DYNLT5: variants seen among roughly 807,000 people sequenced by gnomAD.
DYNLT5 encodes the protein dynein light chain Tctex-type 5.
A neutral mutation model predicts 19.3 loss-of-function variants in DYNLT5; 25 were observed. The ratio of observed to expected loss-of-function variants is 1.30; its 90% confidence interval spans 0.95 to 1.81. The LOEUF (loss-of-function observed/expected upper bound fraction) is 1.81, where lower values mean the gene tolerates loss of function less well. Ranked by LOEUF, DYNLT5 falls within the 40% of genes most tolerant of loss-of-function variation. The pLI is 0.00. For synonymous variants in DYNLT5, 82 were observed against 68.9 expected, an observed-to-expected ratio of 1.19 and a Z score of -0.94; for missense variants, 232 against 217.9, an observed-to-expected ratio of 1.06 and a Z score of -0.41.
chr1:66,777,510 C>A lies in DYNLT5; in HGVS notation c.*56C>A. On this transcript the variant is annotated 3_prime_UTR_variant, in exon 5 of 5. Transcript: ENST00000282670. ...GAAAATTCTGAGGCAGGCTGTATGT[C>A]TGTACACAAAAGTTTTACTGCCAAA... 6.7e-7 allele frequency: 1 copy of A among 1,503,178 alleles called. No homozygotes were observed. Among genetic ancestry groups the A allele is most frequent in the Non-Finnish European group, 9.0e-7 (1 of 1,107,350 alleles). 93.1% of individuals were successfully genotyped at this position (1,503,178 alleles called of 1,614,324 possible).
chr1:66,770,839 G>A, intron 3 of DYNLT5: 2 of 284,096 alleles, frequency 7.0e-6, no homozygotes, highest in Admixed American at 4.9e-5. Context: ...AGTGTTGTTA[G>A]GTGAAGGAAA....
intron 2 of DYNLT5, among the ~76,000 whole-genome samples, chr1:66,756,530 T>C (rs1276232994): frequency 6.6e-6 from 1 of 152,210 alleles, no homozygotes; most frequent in Non-Finnish European, 1.5e-5. Context: ...TGAAAATTAC[T>C]TTAAAACAAT....
intron 4 of DYNLT5, 137 bp from the exon 5 acceptor site, chr1:66,777,114 C>G (rs980124919): frequency 4.1e-6 from 3 of 726,364 alleles, no homozygotes; most frequent in Non-Finnish European, 6.4e-6. Context: ...ATCATACTTA[C>G]GGTTCTAAAA....
intron 1 of DYNLT5, among the ~76,000 whole-genome samples, chr1:66,752,856 G>A (rs140726885): frequency 2.6e-5 from 4 of 152,156 alleles, no homozygotes; most frequent in Non-Finnish European, 5.9e-5. Context: ...CCCCTGACCC[G>A]GGGCGGTCTT....
chr1:66,754,020 G>A (rs2094631758), intron 1 of DYNLT5, among the ~76,000 whole-genome samples: 1 of 152,024 alleles, frequency 6.6e-6, no homozygotes, highest in African/African-American at 2.4e-5. Flanking sequence ...GGCTGAAGCA[G>A]GATTGCTTGA....
chr1:66,770,982 C>G lies in DYNLT5; in HGVS notation c.211+504C>G, dbSNP rs565285498. 3.4e-4 allele frequency: 55 copies of G among 163,640 alleles called. 1 individual carries two copies. In the South Asian group the frequency reaches 9.0e-3, roughly 27 times the overall value. 10.1% of individuals were successfully genotyped at this position (163,640 alleles called of 1,614,324 possible). On this transcript the variant is annotated intron_variant, in intron 3 of 4. Coordinates refer to ENST00000282670, the MANE Select transcript of DYNLT5 (RefSeq NM_152665.3). ...TGCCGCTATACTCCCAGGTGGAGTC[C>G]GTGGCAAATATCTTTTCCCATCCAT...
At chr1:66,761,564 A>G (rs964589881) in intron 2 of DYNLT5, among the ~76,000 whole-genome samples, 10 of 152,172 alleles carry the variant, frequency 6.6e-5, no homozygotes, top group African/African-American at 2.4e-4. Flanking sequence ...CAAGAGGATC[A>G]CGGCAGCCAG....
At chr1:66,774,182 C>T (rs1407602132) in intron 3 of DYNLT5, among the ~76,000 whole-genome samples, 3 of 152,210 alleles carry the variant, frequency 2.0e-5, no homozygotes, top group South Asian at 4.2e-4. Context: ...GTGGCCTGGC[C>T]TCCTTACCAC....
In DYNLT5 at chr1:66,777,619, G is replaced by C. The variant is rs1572554367; in HGVS notation, c.*165G>C. 1.9e-6 allele frequency: 1 copy of C among 537,236 alleles called. No individual in the cohort carries two copies. Among genetic ancestry groups the C allele is most frequent in the Non-Finnish European group, 3.2e-6 (1 of 315,958 alleles). The allele number at this position is 537,236 out of a possible 1,614,324, so 33.3% of individuals were successfully genotyped here. ...CATATTCTAGTAAAGATTTGGGGAG[G>C]GGAGGGTAGCCACAGAAAGAATCTT... On this transcript the variant is annotated 3_prime_UTR_variant, in exon 5 of 5. Coordinates refer to ENST00000282670, the MANE Select transcript of DYNLT5 (RefSeq NM_152665.3).
chr1:66,773,887 C>G (rs1645220018), intron 3 of DYNLT5, among the ~76,000 whole-genome samples: 1 of 152,020 alleles, frequency 6.6e-6, no homozygotes, highest in African/African-American at 2.4e-5. Flanking sequence ...TCAGTTTACT[C>G]TGAAACTAGT....
chr1:66,754,963 A>G (rs1316996040), intron 2 of DYNLT5, among the ~76,000 whole-genome samples, 186 bp downstream of exon 2: 5 of 152,174 alleles, frequency 3.3e-5, no homozygotes, highest in East Asian at 1.9e-4. Flanking sequence ...GTGATAAGTT[A>G]ATCCTAGCAG....
Position 66,752,930 on chromosome 1 carries a change from G to A in DYNLT5, c.-4+346G>A, listed in dbSNP as rs534662213. 2.6e-5 allele frequency among the ~76,000 whole-genome samples: 4 copies of A among 152,306 alleles called. No individual in the cohort carries two copies. The East Asian group carries it at 7.7e-4, about 29-fold the overall frequency. The stretch of plus-strand genomic sequence containing the variant: ...AACTCTGGCCTTTCTTGGGGAGGGG[G>A]CGGCCTGCAGGGCAGCTTTGGAAAC... On this transcript the variant is annotated intron_variant, in intron 1 of 4. Coordinates refer to ENST00000282670, the MANE Select transcript of DYNLT5 (RefSeq NM_152665.3).
At chr1:66,758,986 A>G (rs988223269) in intron 2 of DYNLT5, among the ~76,000 whole-genome samples, 5 of 152,188 alleles carry the variant, frequency 3.3e-5, no homozygotes, top group Non-Finnish European at 7.3e-5. Flanking sequence ...AGCCCCCAAC[A>G]AGACCTACCT....
chr1:66,760,605 TA>T (rs1216157180), intron 2 of DYNLT5, among the ~76,000 whole-genome samples: 10 of 152,306 alleles, frequency 6.6e-5, no homozygotes, highest in African/African-American at 2.4e-4. Flanking sequence ...CATCTATTTT[TA>T]AAAAACCCAA....
In DYNLT5 at chr1:66,778,953, T is replaced by A. The variant is rs375788248; in HGVS notation, c.*1499T>A. 6.6e-6 allele frequency among the ~76,000 whole-genome samples: 1 copy of A among 152,232 alleles called. No homozygotes were observed. Among genetic ancestry groups the A allele is most frequent in the African/African-American group, 2.4e-5 (1 of 41,476 alleles). On this transcript the variant is annotated 3_prime_UTR_variant, in exon 5 of 5. Transcript: ENST00000282670. ...TGAGCTTCATATTTTCATTACACAT[T>A]GGTGAACATCTCCCTTCGTGGAACA...
intron 2 of DYNLT5, chr1:66,755,900 G>A (rs1057132719): frequency 3.9e-5 from 6 of 152,164 alleles, no homozygotes; most frequent in East Asian, 1.9e-4. Context: ...TTCAACTTAC[G>A]TTTTCCAAGA....
intron 2 of DYNLT5, among the ~76,000 whole-genome samples, chr1:66,764,653 G>A (rs1259244842): frequency 6.6e-5 from 10 of 152,204 alleles, no homozygotes; most frequent in South Asian, 2.1e-4. Flanking sequence ...AAAATGTGAC[G>A]TAGAGACATG....
chr1:66,767,698 T>C (rs1241324257), intron 2 of DYNLT5, among the ~76,000 whole-genome samples: 1 of 152,226 alleles, frequency 6.6e-6, no homozygotes, highest in Non-Finnish European at 1.5e-5. Flanking sequence ...TATTTTTCTC[T>C]TACATAAAAT....
chr1:66,773,651 A>C (rs1572551919), intron 3 of DYNLT5, among the ~76,000 whole-genome samples: 1 of 113,180 alleles, frequency 8.8e-6, no homozygotes, highest in East Asian at 2.6e-4. Context: ...TAATTCTAAC[A>C]AAAAAAAATG....
Sources: gnomAD v4.1 joint callset for allele counts (sites outside exome capture counted in the v4.1 genomes callset) on GRCh38, gnomAD v4.1.1 for gene constraint, MANE v1.5 for transcripts, NCBI Gene and HGNC (gene_info 2026-07-23, HGNC 2026-07-21) for gene names.